RRM2: variants seen among roughly 807,000 people sequenced by gnomAD.
The protein encoded by RRM2 is ribonucleoside-diphosphate reductase subunit M2.
RRM2 carries 6 observed loss-of-function variants against 45.9 expected under a neutral mutation model. The ratio of observed to expected loss-of-function variants is 0.13; its 90% CI spans 0.07 to 0.26. RRM2 has a LOEUF of 0.26. RRM2 is among the 10% of genes least tolerant of loss of function. The pLI, the probability that RRM2 is intolerant of heterozygous loss-of-function variation, is 1.00. For missense variants in RRM2, 343 were observed against 489.5 expected, an observed-to-expected ratio of 0.70 and a Z score of 2.82; for synonymous variants, 177 against 173.0, an observed-to-expected ratio of 1.02 and a Z score of -0.18.
chr2:10,150,943 A>G (rs1663300045), intron 3 of RRM2, among the ~76,000 whole-genome samples: 1 of 151,838 alleles, frequency 6.6e-6, no homozygotes, highest in African/African-American at 2.4e-5. Flanking sequence ...CCTCCCAAGT[A>G]GCTGGGATTA....
chr2:10,123,878 CATTT>C (rs1662723434), intron 4 of RRM2, 26 bp downstream of exon 4: 1 of 1,283,526 alleles, frequency 7.8e-7, no homozygotes, highest in African/African-American at 1.5e-5. Flanking sequence ...ATCTTTCATT[CATTT>C]GACGTTGACG....
downstream of RRM2, among the ~76,000 whole-genome samples, chr2:10,133,463 A>C (rs1662937896): frequency 6.6e-6 from 1 of 152,172 alleles, no homozygotes. Flanking sequence ...CTGTATTTTG[A>C]GGATCAGTGG....
At position 10,123,865 on chromosome 2, in the gene RRM2, A is replaced by G. The variant is rs72542795; in HGVS notation, c.435+13A>G. On this transcript the variant is annotated intron_variant, in intron 4 of 9. Transcript: ENST00000304567. ...AAATGAAAACTTGGTGAGTTTCCAA[A>G]ACATCTTTCATTCATTTGACGTTGA... 268 of 1,383,162 alleles carry G rather than the reference A, an allele frequency of 1.9e-4. No individual in the cohort carries two copies. In the Middle Eastern group the frequency reaches 3.9e-3, roughly 20 times the overall value. The allele number at this position is 1,383,162 out of a possible 1,614,324, so 85.7% of individuals were successfully genotyped here.
chr2:10,163,972 C>A (rs1241111522), intron 3 of RRM2, among the ~76,000 whole-genome samples: 1 of 151,940 alleles, frequency 6.6e-6, no homozygotes, highest in Admixed American at 6.6e-5. Flanking sequence ...CCTGTGAGTT[C>A]ATTTCCCTCG....
chr2:10,207,060 G>A (rs187354775), intron 3 of RRM2, among the ~76,000 whole-genome samples: 4 of 152,282 alleles, frequency 2.6e-5, no homozygotes, highest in Admixed American at 2.0e-4. Context: ...TCTCAGAGGC[G>A]ACTCAAACTC....
intron 3 of RRM2, among the ~76,000 whole-genome samples, chr2:10,194,633 G>C (rs943665453): frequency 6.6e-6 from 1 of 152,250 alleles, no homozygotes; most frequent in Admixed American, 6.5e-5. Flanking sequence ...CTGGTGTCCC[G>C]TGCCCAGCAT....
At chr2:10,179,936 C>T (rs1166174700) in intron 3 of RRM2, among the ~76,000 whole-genome samples, 2 of 152,186 alleles carry the variant, frequency 1.3e-5, no homozygotes, top group Non-Finnish European at 2.9e-5. Context: ...TAGAGCTTCC[C>T]TCTGTCTAAT....
upstream of RRM2, chr2:10,141,255 G>A (rs1365018194): frequency 6.5e-6 from 1 of 154,132 alleles, no homozygotes; most frequent in East Asian, 1.9e-4. Flanking sequence ...CTGTTGACCA[G>A]TTATGTGCTC....
rs138491641 is a variant in RRM2, at chr2:10,142,258, A to T, written n.365A>T. The T allele has an allele frequency of 3.0e-4, 434 of 1,468,066 alleles. No homozygotes were observed. The highest frequency in any genetic ancestry group is 3.8e-4 in the Non-Finnish European group (414 of 1,086,780). 90.9% of individuals were successfully genotyped at this position (1,468,066 alleles called of 1,614,324 possible). A position where few individuals can be genotyped will look rare whatever the true frequency, so the allele number is the denominator to read the frequency against. Reference sequence around the variant, plus strand: ...GAGTCTGGATTTCATTTCTAAGGGGATGAGAAGCTCGGGAAGGTCTGACCA... The same window carrying T: ...GAGTCTGGATTTCATTTCTAAGGGGTTGAGAAGCTCGGGAAGGTCTGACCA... On this transcript the variant is annotated non_coding_transcript_exon_variant, in exon 3 of 4. Transcript: ENST00000381786.
At chr2:10,136,551 C>G (rs2125310439), upstream of RRM2, among the ~76,000 whole-genome samples, 1 of 152,304 alleles carries the variant, frequency 6.6e-6, no homozygotes, top group South Asian at 2.1e-4. Flanking sequence ...GAATCCCTGG[C>G]TTGAGGCCAG....
At chr2:10,173,273 CTT>C (rs1460307547) in intron 3 of RRM2, among the ~76,000 whole-genome samples, 1 of 152,178 alleles carries the variant, frequency 6.6e-6, no homozygotes, top group Non-Finnish European at 1.5e-5. Context: ...TCTCTTCTCT[CTT>C]TGCCGTCTTA....
intron 3 of RRM2, among the ~76,000 whole-genome samples, chr2:10,173,099 G>A (rs999446481): frequency 7.2e-5 from 11 of 152,030 alleles, no homozygotes; most frequent in Non-Finnish European, 1.0e-4. Context: ...TAAGCTCTTC[G>A]ACAAGTGACT....
At chr2:10,147,128 T>C (rs1422497049) in intron 3 of RRM2, among the ~76,000 whole-genome samples, 1 of 152,036 alleles carries the variant, frequency 6.6e-6, no homozygotes, top group African/African-American at 2.4e-5. Flanking sequence ...AATTTTTGCA[T>C]TTTTAGTAGA....
In RRM2 at chr2:10,127,350, C is replaced by A; in HGVS notation, c.798+130C>A. 1.2e-6 allele frequency: 1 copy of A among 858,914 alleles called. No individual in the cohort carries two copies. The highest frequency in any genetic ancestry group is 1.8e-6 in the Non-Finnish European group (1 of 566,458). 53.2% of individuals were successfully genotyped at this position (858,914 alleles called of 1,614,324 possible). On this transcript the variant is annotated intron_variant, in intron 7 of 9. Transcript: ENST00000304567. The surrounding 1 kb of genome is among the most constrained non-coding windows in gnomAD (Gnocchi z 4.1). ...CATTTAATGTGTGAGTTCAACCATA[C>A]ACATACTTGACAAAAGAAGGAAATA...
chr2:10,146,522 G>T (rs1057123094), intron 3 of RRM2, among the ~76,000 whole-genome samples: 1 of 152,216 alleles, frequency 6.6e-6, no homozygotes, highest in Non-Finnish European at 1.5e-5. Context: ...CATCCATTCA[G>T]CCGTTGCACG....
intron 3 of RRM2, among the ~76,000 whole-genome samples, chr2:10,167,002 A>G (rs538219510): frequency 1.3e-5 from 2 of 152,352 alleles, no homozygotes; most frequent in East Asian, 3.9e-4. Context: ...CAGTGTCAGC[A>G]GGATGGCAGA....
At chr2:10,142,766 T>C (rs1663112411) in intron 3 of RRM2, among the ~76,000 whole-genome samples, 1 of 152,196 alleles carries the variant, frequency 6.6e-6, no homozygotes, top group Non-Finnish European at 1.5e-5. Context: ...CTGTGTTGCA[T>C]GAGCCCCTCC....
chr2:10,183,860 C>T (rs1463064385), intron 3 of RRM2, among the ~76,000 whole-genome samples: 5 of 150,904 alleles, frequency 3.3e-5, no homozygotes, highest in Admixed American at 1.3e-4. Context: ...GAGGCCGAGG[C>T]GGGCGGATCA....
chr2:10,139,617 C>A (rs1663045170), upstream of RRM2, among the ~76,000 whole-genome samples: 1 of 152,168 alleles, frequency 6.6e-6, no homozygotes, highest in South Asian at 2.1e-4. Flanking sequence ...CTCTTGGTGA[C>A]CCTTCCCCTC....
Sources: gnomAD v4.1 joint callset for allele counts (sites outside exome capture counted in the v4.1 genomes callset) on GRCh38, gnomAD v4.1.1 for gene constraint, Gnocchi (gnomAD v3.1) non-coding constraint, MANE v1.5 for transcripts, NCBI Gene and HGNC (gene_info 2026-07-23, HGNC 2026-07-21) for gene names.